OSBPL6: variants seen among roughly 807,000 people sequenced by gnomAD.
OSBPL6 encodes oxysterol-binding protein-related protein 6.
A neutral mutation model predicts 125.8 loss-of-function variants in OSBPL6; 49 were observed. The observed-to-expected ratio is 0.39, with a 90% CI of 0.31 to 0.49. The LOEUF (loss-of-function observed/expected upper bound fraction) is 0.49. Ranked by LOEUF, OSBPL6 falls within the 20% of genes least tolerant of loss-of-function variation. The probability of loss-of-function intolerance (pLI) is 0.88; values close to 1 mark genes in which losing one functional copy is unlikely to be tolerated. For synonymous variants in OSBPL6, 394 were observed against 391.8 expected (o/e 1.01, Z -0.07); for missense variants, 986 against 1,135.4 (o/e 0.87, Z 1.89).
At chr2:178,216,799 G>A (rs367900514) in intron 1 of OSBPL6, among the ~76,000 whole-genome samples, 3 of 152,180 alleles carry the variant, frequency 2.0e-5, no homozygotes, top group African/African-American at 7.2e-5. Flanking sequence ...TCGTCATGAG[G>A]AGACATCAGA....
At chr2:178,379,836 C>A (rs1694298239) in intron 15 of OSBPL6, among the ~76,000 whole-genome samples, 1 of 152,158 alleles carries the variant, frequency 6.6e-6, no homozygotes, top group South Asian at 2.1e-4. Context: ...AATTTGTCAT[C>A]TTTATGGGCT....
In OSBPL6 at chr2:178,391,179, G is replaced by A; in HGVS notation, c.2408G>A (p.Cys803Tyr). The A allele has an allele frequency of 6.2e-7, 1 of 1,613,062 alleles. No individual in the cohort carries two copies. Among genetic ancestry groups the A allele is most frequent in the South Asian group, 1.1e-5 (1 of 90,748 alleles). ...LFGKWHEGLYCGVAPSAKCIW... is the reference protein window; with the variant it reads ...LFGKWHEGLYYGVAPSAKCIW... Reference sequence around the variant, plus strand: ...GGAAAGTGGCATGAAGGACTCTACTGTGGTGTGGCCCCCTCTGCAAAGTGC... The same window carrying A: ...GGAAAGTGGCATGAAGGACTCTACTATGGTGTGGCCCCCTCTGCAAAGTGC... The change falls in exon 22 of 25, where the codon TGT (cysteine) becomes TAT (tyrosine). Residue 803 changes from cysteine to tyrosine, a missense_variant. Cys to Tyr is a radical substitution (Grantham distance 194, BLOSUM62 -2). This residue lies in a region of OSBPL6 where 843 missense variants were observed against 997.3 expected (regional missense o/e 0.85). Coordinates refer to ENST00000190611, the MANE Select transcript of OSBPL6 (RefSeq NM_032523.4).
intron 16 of OSBPL6, 41 bp from the exon 17 acceptor site, chr2:178,382,983 G>A: frequency 6.2e-7 from 1 of 1,605,620 alleles, no homozygotes; most frequent in Non-Finnish European, 8.5e-7. Flanking sequence ...TGTGAAATCA[G>A]AACAGCAAAG....
Position 178,361,682 on chromosome 2 carries a change from T to G in OSBPL6, c.1154T>G (p.Val385Gly), listed in dbSNP as rs923412715. 6.2e-7 allele frequency: 1 copy of G among 1,613,944 alleles called. No homozygotes were observed. Among genetic ancestry groups the G allele is most frequent in the Non-Finnish European group, 8.5e-7 (1 of 1,179,850 alleles). The stretch of plus-strand genomic sequence containing the variant: ...TTTTCTCACTTTTCTCCCCACCCAG[T>G]GCATTCTCTTTTGAAGTCTGCATTT... ...QEEFCLIAQK[V>G]HSLLKSAFNS... Residue 385 changes from valine (V) to glycine (G), a missense_variant and splice_region_variant, in exon 13 of 25, where the codon GTG becomes GGG. Physicochemically the swap from Val to Gly is moderately radical, Grantham distance 109. Around this residue, in one of 3 missense-constraint regions of OSBPL6, gnomAD observed 843 missense variants for 997.3 expected, o/e 0.85. Transcript: ENST00000190611.
chr2:178,347,639 T>C (rs1376774910), intron 11 of OSBPL6, among the ~76,000 whole-genome samples: 3 of 152,338 alleles, frequency 2.0e-5, no homozygotes, highest in African/African-American at 7.2e-5. Context: ...TTAAGTTACC[T>C]GGACAGGATT....
intron 15 of OSBPL6, among the ~76,000 whole-genome samples, chr2:178,379,289 A>AAAGAAAG (rs1219423708): frequency 2.1e-5 from 3 of 145,978 alleles, no homozygotes; most frequent in South Asian, 2.3e-4. Context: ...GAAAGAAAAG[A>AAAGAAAG]AAGAAAGAAG....
At chr2:178,360,969 T>A (rs180907040) in intron 12 of OSBPL6, among the ~76,000 whole-genome samples, 43 of 152,344 alleles carry the variant, frequency 2.8e-4, no homozygotes, top group Admixed American at 4.6e-4. Flanking sequence ...TAAAAATAGA[T>A]GTTGGAAAGT....
chr2:178,218,582 C>T (rs1311130919), intron 1 of OSBPL6, among the ~76,000 whole-genome samples: 1 of 151,604 alleles, frequency 6.6e-6, no homozygotes, highest in Non-Finnish European at 1.5e-5. Context: ...CAACTTCTTC[C>T]TCTTTTACTG....
intron 3 of OSBPL6, among the ~76,000 whole-genome samples, chr2:178,311,561 C>A (rs1244248089): frequency 6.6e-6 from 1 of 152,152 alleles, no homozygotes; most frequent in Non-Finnish European, 1.5e-5. Flanking sequence ...CCTTGTACAG[C>A]GCCTCACATT....
At chr2:178,218,095 G>A (rs1444735822) in intron 1 of OSBPL6, among the ~76,000 whole-genome samples, 4 of 152,038 alleles carry the variant, frequency 2.6e-5, no homozygotes, top group African/African-American at 9.7e-5. Flanking sequence ...AATTTTTTAA[G>A]GTTTCAAGAA....
At position 178,306,112 on chromosome 2, in the gene OSBPL6, A is replaced by G. The variant is rs1686736037; in HGVS notation, c.-73A>G. 3.2e-6 allele frequency: 3 copies of G among 936,966 alleles called. No individual in the cohort carries two copies. Among genetic ancestry groups the G allele is most frequent in the Non-Finnish European group, 3.5e-6 (2 of 578,672 alleles). The allele number at this position is 936,966 out of a possible 1,614,324, so 58.0% of individuals were successfully genotyped here. A position where few individuals can be genotyped will look rare whatever the true frequency, so the allele number is the denominator to read the frequency against. On this transcript the variant is annotated 5_prime_UTR_variant, in exon 3 of 25. Coordinates refer to ENST00000190611, the MANE Select transcript of OSBPL6 (RefSeq NM_032523.4). ...ATGGAATGAAGCTGAAAAATCATCT[A>G]CTTCTTTGTTTGTGGATTTGAGAGA...
At chr2:178,336,513 C>G (rs1359326078) in intron 9 of OSBPL6, 80 bp downstream of exon 9, 19 of 1,503,464 alleles carry the variant, frequency 1.3e-5, no homozygotes, top group Middle Eastern at 3.6e-4. Flanking sequence ...ATTATGAGTG[C>G]TACATCTTTT....
chr2:178,367,737 A>C (rs551518288), intron 13 of OSBPL6, among the ~76,000 whole-genome samples: 2 of 152,364 alleles, frequency 1.3e-5, no homozygotes, highest in Admixed American at 1.3e-4. Context: ...CATAAGGGAC[A>C]TGAGGTGTGG....
chr2:178,252,859 T>C (rs1307280073), intron 1 of OSBPL6, among the ~76,000 whole-genome samples: 1 of 152,110 alleles, frequency 6.6e-6, no homozygotes, highest in East Asian at 1.9e-4. Context: ...TAAAATAGTA[T>C]GATCTTTTGG....
At chr2:178,210,294 C>T (rs2089785149) in intron 1 of OSBPL6, among the ~76,000 whole-genome samples, 1 of 151,826 alleles carries the variant, frequency 6.6e-6, no homozygotes, top group South Asian at 2.1e-4. Flanking sequence ...GCTGGGATTG[C>T]AGGCATGAGC....
In OSBPL6 at chr2:178,212,978, T is replaced by C. The variant is rs1046240734; in HGVS notation, c.-351+18304T>C. ...GCACACCACCACACTCGGCTAATTT[T>C]TTGTATCTTTAGTAGAGACAGGGTT... On this transcript the variant is annotated intron_variant, in intron 1 of 24. Coordinates refer to ENST00000190611, the MANE Select transcript of OSBPL6 (RefSeq NM_032523.4). Among the ~76,000 whole-genome samples, 8 of 152,300 alleles carry C rather than the reference T, an allele frequency of 5.3e-5. 1 individual carries two copies. In the East Asian group the frequency reaches 1.4e-3, roughly 26 times the overall value.
intron 1 of OSBPL6, among the ~76,000 whole-genome samples, chr2:178,247,143 C>A (rs996670175): frequency 5.3e-5 from 8 of 151,916 alleles, no homozygotes; most frequent in African/African-American, 1.9e-4. Context: ...CAACTGGAAT[C>A]GATGTTCTCT....
intron 3 of OSBPL6, among the ~76,000 whole-genome samples, chr2:178,314,549 AGTGTC>A (rs2154066592): frequency 1.3e-5 from 2 of 152,364 alleles, no homozygotes; most frequent in Non-Finnish European, 2.9e-5. Context: ...ACTTAGGACC[AGTGTC>A]AGTGAGAAAA....
chr2:178,281,231 T>C (rs1684141198), intron 1 of OSBPL6, among the ~76,000 whole-genome samples: 1 of 152,122 alleles, frequency 6.6e-6, no homozygotes, highest in Non-Finnish European at 1.5e-5. Flanking sequence ...CAGTCTGATC[T>C]CAAATGCTTG....
Sources: allele counts gnomAD v4.1 joint callset (sites outside exome capture counted in the v4.1 genomes callset), GRCh38; gene constraint gnomAD v4.1.1; regional missense constraint gnomAD v4.1.1; transcripts MANE v1.5; gene names NCBI Gene and HGNC (gene_info 2026-07-23, HGNC 2026-07-21).